The following VIT variants were observed in gnomAD, a reference collection of about 807,000 sequenced individuals.
The protein encoded by VIT is vitrin.
Under a neutral mutation model 78.0 loss-of-function variants are expected in VIT, and 99 were observed. The observed-to-expected ratio is 1.27, with a 90% CI of 1.08 to 1.50. VIT has a LOEUF of 1.50. Among genes scored for constraint, VIT ranks in the 40% most tolerant of loss-of-function variants. VIT has a pLI of 0.00. For missense variants in VIT, 1,126 were observed against 875.3 expected, an observed-to-expected ratio of 1.29 and a Z score of -3.61; for synonymous variants, 374 against 334.3, an observed-to-expected ratio of 1.12 and a Z score of -1.29.
intron 7 of VIT, among the ~76,000 whole-genome samples, chr2:36,768,380 C>T (rs533220094): frequency 1.2e-4 from 19 of 152,156 alleles, no homozygotes; most frequent in African/African-American, 2.7e-4. Flanking sequence ...TCCAGTGAGC[C>T]GAGATCGCAC....
At chr2:36,738,176 C>T (rs914872367) in intron 3 of VIT, among the ~76,000 whole-genome samples, 1 of 152,134 alleles carries the variant, frequency 6.6e-6, no homozygotes, top group African/African-American at 2.4e-5. Flanking sequence ...TGGTTGTCAG[C>T]AATCTTCAAG....
At chr2:36,759,256 A>G (rs182432541) in intron 6 of VIT, 9 of 1,498,868 alleles carry the variant, frequency 6.0e-6, no homozygotes, top group Admixed American at 4.4e-5. Flanking sequence ...TGTTTTTGCA[A>G]TTCCGAGATT....
rs768222712 is a variant in VIT at position 36,728,812 on chromosome 2, C to CAAAAAAAAAAA, written c.53-607_53-597dup. On this transcript the variant is annotated intron_variant, in intron 2 of 15. Coordinates refer to ENST00000379242, the MANE Select transcript of VIT (RefSeq NM_053276.4). The stretch of plus-strand genomic sequence containing the variant: ...TGGGCGACAGAGCAAGACTCCGTCT[C>CAAAAAAAAAAA]AAAAAAAAAAAAAAAAAGAAAAAAG... Among the ~76,000 whole-genome samples the CAAAAAAAAAAA allele has an allele frequency of 2.3e-3, 8 of 3,430 alleles. 1 individual carries two copies. Among genetic ancestry groups the CAAAAAAAAAAA allele is most frequent in the Non-Finnish European group, 5.3e-3 (4 of 750 alleles). 2.3% of individuals were successfully genotyped at this position (3,430 alleles called of 152,430 possible).
chr2:36,772,151 C>T (rs1290792885), intron 7 of VIT, among the ~76,000 whole-genome samples: 1 of 152,062 alleles, frequency 6.6e-6, no homozygotes, highest in African/African-American at 2.4e-5. Context: ...TCATGCCTCC[C>T]TAATTCCAAC....
chr2:36,762,802 G>A (rs1669203190), intron 6 of VIT, among the ~76,000 whole-genome samples: 2 of 152,030 alleles, frequency 1.3e-5, no homozygotes, highest in South Asian at 4.2e-4. Flanking sequence ...CTTCTACCAT[G>A]GGAAATTATC....
At chr2:36,704,033 C>G (rs1665252649) in intron 1 of VIT, among the ~76,000 whole-genome samples, 1 of 149,912 alleles carries the variant, frequency 6.7e-6, no homozygotes, top group African/African-American at 2.4e-5. Context: ...TTGACTGATT[C>G]TCCTGCCTCA....
chr2:36,718,917 T>C (rs1039125979), intron 2 of VIT, among the ~76,000 whole-genome samples: 1 of 152,252 alleles, frequency 6.6e-6, no homozygotes, highest in Admixed American at 6.5e-5. Context: ...AGGCTACCTC[T>C]CTTTTCATTC....
At chr2:36,762,161 C>A (rs1385315270) in intron 6 of VIT, among the ~76,000 whole-genome samples, 1 of 152,186 alleles carries the variant, frequency 6.6e-6, no homozygotes, top group Non-Finnish European at 1.5e-5. Context: ...GCACCATTCA[C>A]CCCCAGCAAG....
intron 12 of VIT, among the ~76,000 whole-genome samples, chr2:36,792,764 G>A (rs1665592562): frequency 6.6e-6 from 1 of 152,132 alleles, no homozygotes; most frequent in Admixed American, 6.5e-5. Flanking sequence ...CAGTCCCCCA[G>A]TGACCCCTGA....
chr2:36,805,979 C>T (rs991743651), intron 14 of VIT, among the ~76,000 whole-genome samples: 3 of 152,000 alleles, frequency 2.0e-5, no homozygotes, highest in African/African-American at 7.3e-5. Context: ...TGCAAGCGAA[C>T]ATACTCTCTC....
intron 1 of VIT, among the ~76,000 whole-genome samples, chr2:36,714,795 A>C (rs887766066): frequency 1.3e-5 from 2 of 152,116 alleles, no homozygotes; most frequent in African/African-American, 4.8e-5. Context: ...TAGTTTCCTC[A>C]TCTGTTCAAT....
chr2:36,710,642 G>A (rs1665745895), intron 1 of VIT, among the ~76,000 whole-genome samples: 1 of 152,130 alleles, frequency 6.6e-6, no homozygotes, highest in African/African-American at 2.4e-5. Flanking sequence ...TGATATGAAT[G>A]TAAAATTGAA....
At chr2:36,761,199 A>G (rs1322071440) in intron 6 of VIT, among the ~76,000 whole-genome samples, 1 of 152,152 alleles carries the variant, frequency 6.6e-6, no homozygotes, top group African/African-American at 2.4e-5. Flanking sequence ...GGTCCCCACA[A>G]TCTTGACGAA....
In VIT at chr2:36,814,204, G is replaced by C. The variant is rs779661032; in HGVS notation, c.1925G>C (p.Gly642Ala). The C allele has an allele frequency of 6.2e-7, 1 of 1,614,108 alleles. No homozygotes were observed. Among genetic ancestry groups the C allele is most frequent in the African/African-American group, 1.3e-5 (1 of 74,946 alleles). ...ACAGGAGTGATCACCTATGCGATAGGCGTTGCCTGGGCTGCCCAAGAGGAG... is the reference window on the plus strand; with the variant it reads ...ACAGGAGTGATCACCTATGCGATAGCCGTTGCCTGGGCTGCCCAAGAGGAG... Reference protein sequence around the residue: ...HLKGVITYAIGVAWAAQEELE... With the variant: ...HLKGVITYAIAVAWAAQEELE... Residue 642 changes from glycine to alanine, a missense_variant, in exon 16 of 16, where the codon GGC (glycine) becomes GCC (alanine). Coordinates refer to ENST00000379242, the MANE Select transcript of VIT (RefSeq NM_053276.4).
intron 3 of VIT, among the ~76,000 whole-genome samples, chr2:36,734,405 C>T (rs1481563887): frequency 6.6e-6 from 1 of 151,926 alleles, no homozygotes; most frequent in Non-Finnish European, 1.5e-5. Flanking sequence ...TTTCCTGACC[C>T]CTCCTAGGCA....
At chr2:36,804,202 G>T (rs1052580878) in intron 13 of VIT, among the ~76,000 whole-genome samples, 1 of 152,200 alleles carries the variant, frequency 6.6e-6, no homozygotes, top group East Asian at 1.9e-4. Flanking sequence ...GGAAAGCTAG[G>T]CCCAGAGATG....
intron 15 of VIT, among the ~76,000 whole-genome samples, chr2:36,813,046 A>AGT (rs1558600526): frequency 6.8e-6 from 1 of 146,242 alleles, no homozygotes; most frequent in Non-Finnish European, 1.5e-5. Context: ...CAAAAAAAAA[A>AGT]AAAAAAAAAA....
chr2:36,722,607 T>G (rs1276131902), intron 2 of VIT, among the ~76,000 whole-genome samples: 1 of 152,212 alleles, frequency 6.6e-6, no homozygotes. Context: ...AAGAAGGCAT[T>G]GTGGATACTA....
intron 3 of VIT, among the ~76,000 whole-genome samples, chr2:36,731,361 C>T (rs1382458663): frequency 5.3e-5 from 8 of 152,090 alleles, no homozygotes; most frequent in Non-Finnish European, 1.2e-4. Flanking sequence ...GCGACCTCCA[C>T]CTCCCGGGTT....
Sources: allele counts gnomAD v4.1 joint callset (sites outside exome capture counted in the v4.1 genomes callset), GRCh38; gene constraint gnomAD v4.1.1; transcripts MANE v1.5; gene names NCBI Gene and HGNC (gene_info 2026-07-23, HGNC 2026-07-21).